Variants in GSN observed in about 807,000 individuals in gnomAD.
GSN encodes the protein gelsolin.
GSN carries 56 observed loss-of-function variants against 85.7 expected under a neutral mutation model. The ratio of observed to expected loss-of-function variants is 0.65; its 90% CI spans 0.53 to 0.82. The LOEUF (loss-of-function observed/expected upper bound fraction) is 0.82. Ranked by LOEUF, GSN falls within the 40% of genes least tolerant of loss-of-function variation. GSN has a pLI of 0.00. For synonymous variants in GSN, 373 were observed against 399.1 expected (o/e 0.93, Z 0.78); for missense variants, 857 against 979.8 (o/e 0.87, Z 1.67).
At chr9:121,317,979 A>G in intron 8 of GSN, 1 of 259,752 alleles carries the variant, frequency 3.8e-6, no homozygotes, top group African/African-American at 2.2e-5. Context: ...CTGGCTGGCC[A>G]GGAGCTCCTT....
intron 4 of GSN, among the ~76,000 whole-genome samples, chr9:121,308,148 A>T (rs2060625092): frequency 6.6e-6 from 1 of 152,236 alleles, no homozygotes; most frequent in South Asian, 2.1e-4. Flanking sequence ...GCCAACCCAC[A>T]GCTCCCTTGA....
At chr9:121,292,307 G>C (rs2058772043) in intron 2 of GSN, among the ~76,000 whole-genome samples, 1 of 152,200 alleles carries the variant, frequency 6.6e-6, no homozygotes, top group South Asian at 2.1e-4. Context: ...TGGCTCTGTA[G>C]GTGTTGGCTT....
chr9:121,265,266 C>T (rs772491506), upstream of GSN: 1 of 152,254 alleles, frequency 6.6e-6, no homozygotes, highest in South Asian at 2.1e-4. Flanking sequence ...ACCCTGAAGC[C>T]TCCTGGGCTG....
At chr9:121,289,434 C>T (rs1366046533) in intron 2 of GSN, among the ~76,000 whole-genome samples, 1 of 152,202 alleles carries the variant, frequency 6.6e-6, no homozygotes, top group Admixed American at 6.5e-5. Context: ...CCGCTCCCCT[C>T]CCTGCCTGCT....
At chr9:121,213,913 C>T (rs377618385) in intron 4 of GSN, among the ~76,000 whole-genome samples, 3 of 152,122 alleles carry the variant, frequency 2.0e-5, no homozygotes, top group African/African-American at 4.8e-5. Flanking sequence ...CCCTTTCAAC[C>T]GACGAGCTCG....
rs879564129 is a variant in GSN at position 121,227,392 on chromosome 9, TA to T, written c.-527-3760del. 4.2e-3 allele frequency among the ~76,000 whole-genome samples: 586 copies of T among 140,468 alleles called. 1 individual carries two copies. Among genetic ancestry groups the T allele is most frequent in the Non-Finnish European group, 4.1e-3 (262 of 64,134 alleles). The allele number at this position is 140,468 out of a possible 152,430, so 92.2% of individuals were successfully genotyped here. ...CTAGGCAACAGAGCGAGACTCCATC[TA>T]AAAAAAAAAAAAGAGAGAGAGAGAA... On this transcript the variant is annotated intron_variant, in intron 4 of 24. Coordinates refer to the GSN transcript ENST00000373823.
At chr9:121,248,898 G>A (rs1169693422) in intron 6 of GSN, among the ~76,000 whole-genome samples, 1 of 152,104 alleles carries the variant, frequency 6.6e-6, no homozygotes, top group Non-Finnish European at 1.5e-5. Context: ...AAGGTGATGG[G>A]GGCTGTTGAA....
At chr9:121,248,025 TTCTC>T (rs1163460035) in intron 5 of GSN, among the ~76,000 whole-genome samples, 1 of 152,196 alleles carries the variant, frequency 6.6e-6, no homozygotes, top group African/African-American at 2.4e-5. Context: ...TGCTTCCACA[TTCTC>T]TCCTTTATTT....
the GSN span, among the ~76,000 whole-genome samples, chr9:121,202,124 T>TG: frequency 3.3e-5 from 5 of 152,244 alleles, no homozygotes; most frequent in South Asian, 8.3e-4. Context: ...CCTCGCCTCT[T>TG]GGGGGAGCTA....
At chr9:121,207,101 T>C (rs1223300221), upstream of GSN, among the ~76,000 whole-genome samples, 1 of 152,188 alleles carries the variant, frequency 6.6e-6, no homozygotes, top group African/African-American at 2.4e-5. Context: ...ACTTTGTACA[T>C]TTAGTTGAAA....
Position 121,224,379 on chromosome 9 carries a change from G to A in GSN, c.-527-6786G>A, listed in dbSNP as rs187171662. Among the ~76,000 whole-genome samples the A allele has an allele frequency of 1.1e-4, 17 of 152,208 alleles. 1 individual carries two copies. Among genetic ancestry groups the A allele is most frequent in the Admixed American group, 1.0e-3 (16 of 15,292 alleles). On this transcript the variant is annotated intron_variant, in intron 4 of 24. Transcript: ENST00000373823. Reference sequence around the variant, plus strand: ...CTCCCAAAGTGCTGGGATTACAGGCGTGAGCCACCGCGCCCGGTCTATACA... The same window carrying A: ...CTCCCAAAGTGCTGGGATTACAGGCATGAGCCACCGCGCCCGGTCTATACA...
Position 121,318,395 on chromosome 9 carries a change from G to T in GSN, c.887-11G>T, listed in dbSNP as rs1235796726. Reference sequence around the variant, plus strand: ...CTCTAACCCTCCATCACTTCCTCTGGCTGCCAACAGGCAAGCAGGCAAACA... The same window carrying T: ...CTCTAACCCTCCATCACTTCCTCTGTCTGCCAACAGGCAAGCAGGCAAACA... On this transcript the variant is annotated splice_polypyrimidine_tract_variant and intron_variant, in intron 8 of 17. Coordinates refer to ENST00000432226, the MANE Select transcript of GSN (RefSeq NM_198252.3). This position sits in a 1 kb window ranked among gnomAD's most constrained non-coding sequence, Gnocchi z 4.3. 3.7e-6 allele frequency: 6 copies of T among 1,610,826 alleles called. No homozygotes were observed. Among genetic ancestry groups the T allele is most frequent in the Non-Finnish European group, 5.1e-6 (6 of 1,177,030 alleles).
In GSN at chr9:121,302,007, G is replaced by A; in HGVS notation, c.36G>A (p.Gly12=). The change falls in exon 3 of 18, where the codon GGG becomes GGA. Residue 12 remains glycine, a synonymous_variant. Coordinates refer to ENST00000432226, the MANE Select transcript of GSN (RefSeq NM_198252.3). ...VVEHPEFLKA[G]KEPGLQIWRV... is the part of the protein sequence containing the mutation. ...AACACCCCGAGTTCCTCAAGGCAGG[G>A]AAGGAGCCTGGCCTGCAGATCTGGC... The A allele has an allele frequency of 6.2e-7, 1 of 1,614,256 alleles. No individual in the cohort carries two copies. The highest frequency in any genetic ancestry group is 1.1e-5 in the South Asian group (1 of 91,092).
intron 4 of GSN, among the ~76,000 whole-genome samples, chr9:121,225,863 G>A (rs2054263621): frequency 6.6e-6 from 1 of 152,082 alleles, no homozygotes; most frequent in Non-Finnish European, 1.5e-5. Context: ...GGAGTGTGGT[G>A]GCACAATCTT....
chr9:121,318,533 T>A lies in GSN; in HGVS notation c.975+39T>A, dbSNP rs751585030. 112 of 1,546,754 alleles carry A rather than the reference T, an allele frequency of 7.2e-5. No individual in the cohort carries two copies. The highest frequency in any genetic ancestry group is 1.7e-4 in the Middle Eastern group (1 of 5,932). On this transcript the variant is annotated intron_variant, in intron 9 of 17. Transcript: ENST00000432226. The surrounding 1 kb of genome is among the most constrained non-coding windows in gnomAD (Gnocchi z 4.3). ...GCCAGGTAGGATGGGAAGGGGTGGG[T>A]CCTGTTTGGAGGGGATGGGCTGGAG...
At chr9:121,279,281 G>A (rs2057046631) in intron 1 of GSN, among the ~76,000 whole-genome samples, 2 of 152,186 alleles carry the variant, frequency 1.3e-5, no homozygotes, top group Admixed American at 6.5e-5. Context: ...GGAGAGATTT[G>A]TTAAGGATCT....
intron 13 of GSN, chr9:121,327,091 AT>A: frequency 1.4e-6 from 1 of 703,768 alleles, no homozygotes; most frequent in South Asian, 1.5e-5. Flanking sequence ...TGCAGCCCTG[AT>A]TTTTAGAATC....
chr9:121,281,532 C>A lies in GSN; in HGVS notation c.-40C>A. 1 of 434,954 alleles carries A rather than the reference C, an allele frequency of 2.3e-6. No homozygotes were observed. Among genetic ancestry groups the A allele is most frequent in the South Asian group, 1.7e-5 (1 of 57,798 alleles). The allele number at this position is 434,954 out of a possible 1,614,324, so 26.9% of individuals were successfully genotyped here. On this transcript the variant is annotated 5_prime_UTR_variant, in exon 2 of 18. Transcript: ENST00000432226. The stretch of plus-strand genomic sequence containing the variant: ...TTGGTCCCAGCGCCTTCCCACGGAG[C>A]AGCACTCTTCACCCTGCACAGCCTT...
At chr9:121,316,355 A>G (rs554763805) in intron 7 of GSN, among the ~76,000 whole-genome samples, 1 of 152,366 alleles carries the variant, frequency 6.6e-6, no homozygotes, top group African/African-American at 2.4e-5. Context: ...CTTCAGTACC[A>G]TTAACTAAAC....
Sources: gnomAD v4.1 joint callset for allele counts (sites outside exome capture counted in the v4.1 genomes callset) on GRCh38, gnomAD v4.1.1 for gene constraint, Gnocchi (gnomAD v3.1) non-coding constraint, MANE v1.5 for transcripts, NCBI Gene and HGNC (gene_info 2026-07-23, HGNC 2026-07-21) for gene names.